The following ORC3 variants were observed in gnomAD, a reference collection of about 807,000 sequenced individuals.
ORC3 encodes the protein origin recognition complex subunit 3.
A neutral mutation model predicts 100.7 loss-of-function variants in ORC3; 78 were observed. That is an observed-to-expected ratio of 0.77 (90% CI 0.65 to 0.94). ORC3 has a LOEUF of 0.94. Ranked by LOEUF, ORC3 falls within the 40% of genes least tolerant of loss-of-function variation. ORC3 has a pLI of 0.00. For missense variants in ORC3, 789 were observed against 823.9 expected (o/e 0.96, Z 0.52); for synonymous variants, 295 against 289.3 (o/e 1.02, Z -0.20).
At chr6:87,660,456 A>G (rs1188730275) in intron 16 of ORC3, among the ~76,000 whole-genome samples, 1 of 152,164 alleles carries the variant, frequency 6.6e-6, no homozygotes, top group Admixed American at 6.5e-5. Context: ...CCATTTCTCT[A>G]CACTGCCCTC....
At chr6:87,675,538 G>A in the ORC3 span, 5 of 1,599,650 alleles carry the variant, frequency 3.1e-6, no homozygotes, top group African/African-American at 6.7e-5. Context: ...GTCATAATTG[G>A]GACCTCTTGC....
chr6:87,633,132 A>T (rs762946996), intron 11 of ORC3, among the ~76,000 whole-genome samples: 6 of 152,222 alleles, frequency 3.9e-5, no homozygotes, highest in Non-Finnish European at 7.3e-5. Flanking sequence ...TTGTACACAT[A>T]GCTATTCCAC....
At chr6:87,676,790 C>A in the ORC3 span, among the ~76,000 whole-genome samples, 4 of 137,912 alleles carry the variant, frequency 2.9e-5, no homozygotes, top group Admixed American at 7.2e-5. Flanking sequence ...AAAAAAAAAA[C>A]AATTGGCCGG....
chr6:87,602,954 A>AATATATATATATATATTATAT (rs1778051388), intron 3 of ORC3, among the ~76,000 whole-genome samples: 5 of 95,300 alleles, frequency 5.2e-5, no homozygotes, highest in African/African-American at 2.1e-4. Context: ...ACACATATAT[A>AATATATATATATATATTATAT]ATATATATAT....
intron 17 of ORC3, 72 bp from the exon 18 acceptor site, chr6:87,664,671 C>T: frequency 8.3e-7 from 1 of 1,207,142 alleles, no homozygotes; most frequent in Non-Finnish European, 1.2e-6. Flanking sequence ...AGGTTGGGGG[C>T]TTCATTAATG....
intron 14 of ORC3, among the ~76,000 whole-genome samples, chr6:87,654,122 G>A (rs1235136151): frequency 6.6e-6 from 1 of 152,178 alleles, no homozygotes; most frequent in Non-Finnish European, 1.5e-5. Flanking sequence ...GACATGACAT[G>A]TTGAAAATAT....
chr6:87,644,718 G>T (rs559277899), intron 13 of ORC3, among the ~76,000 whole-genome samples: 2 of 152,000 alleles, frequency 1.3e-5, no homozygotes, highest in Non-Finnish European at 2.9e-5. Flanking sequence ...GCGTGGTGGC[G>T]TGTGCCTATA....
intron 2 of ORC3, 167 bp downstream of exon 2, chr6:87,594,574 G>A: frequency 7.9e-7 from 1 of 1,269,760 alleles, no homozygotes; most frequent in Non-Finnish European, 9.9e-7. Context: ...GACACCCCAG[G>A]GCTCTAATTG....
At chr6:87,593,467 G>T (rs548513189) in intron 1 of ORC3, among the ~76,000 whole-genome samples, 2 of 152,208 alleles carry the variant, frequency 1.3e-5, no homozygotes, top group South Asian at 4.1e-4. Flanking sequence ...GAGAGATCTC[G>T]AGGAAAGGAG....
At chr6:87,670,101 G>A (rs1468747742), downstream of ORC3, among the ~76,000 whole-genome samples, 1 of 152,106 alleles carries the variant, frequency 6.6e-6, no homozygotes, top group Non-Finnish European at 1.5e-5. Flanking sequence ...CAACATAAAC[G>A]CATGTCATGC....
chr6:87,668,793 G>A (rs1353821925), downstream of ORC3, among the ~76,000 whole-genome samples: 2 of 151,978 alleles, frequency 1.3e-5, no homozygotes, highest in African/African-American at 4.8e-5. Flanking sequence ...GACCAGCCTG[G>A]CCAACCTGGT....
At chr6:87,617,475 G>A (rs773356567) in intron 9 of ORC3, among the ~76,000 whole-genome samples, 9 of 152,006 alleles carry the variant, frequency 5.9e-5, no homozygotes, top group Non-Finnish European at 7.4e-5. Flanking sequence ...TGGCTCATGC[G>A]TATAATCCCA....
intron 11 of ORC3, among the ~76,000 whole-genome samples, chr6:87,623,477 G>A (rs2128266901): frequency 6.6e-6 from 1 of 152,322 alleles, no homozygotes; most frequent in South Asian, 2.1e-4. Flanking sequence ...TCCATTTCCT[G>A]CTAGAACTTT....
intron 14 of ORC3, among the ~76,000 whole-genome samples, chr6:87,656,457 C>T (rs1238587196): frequency 1.3e-5 from 2 of 151,822 alleles, no homozygotes; most frequent in Non-Finnish European, 2.9e-5. Flanking sequence ...GCATGGTGGC[C>T]GGCACCTGTA....
chr6:87,600,410 G>A (rs542160328), intron 2 of ORC3, among the ~76,000 whole-genome samples: 1 of 152,258 alleles, frequency 6.6e-6, no homozygotes, highest in South Asian at 2.1e-4. Flanking sequence ...ATCAGTCTAT[G>A]GATTTGATTT....
intron 14 of ORC3, 101 bp from the exon 15 acceptor site, chr6:87,656,805 A>G (rs1017805122): frequency 1.3e-5 from 9 of 716,174 alleles, no homozygotes; most frequent in Middle Eastern, 2.7e-4. Flanking sequence ...CATTAAAAAA[A>G]TATATATAGG....
At chr6:87,619,434 T>A (rs2128262736) in intron 9 of ORC3, among the ~76,000 whole-genome samples, 1 of 152,294 alleles carries the variant, frequency 6.6e-6, no homozygotes, top group East Asian at 1.9e-4. Flanking sequence ...TGAGATAGGG[T>A]TTCGCTCTGT....
At chr6:87,590,856 G>T (rs566334330) in intron 1 of ORC3, among the ~76,000 whole-genome samples, 1 of 152,270 alleles carries the variant, frequency 6.6e-6, no homozygotes, top group African/African-American at 2.4e-5. Flanking sequence ...GAGTGGGAGC[G>T]TCATGAAAAA....
the ORC3 span, chr6:87,677,809 A>T: frequency 1.2e-6 from 2 of 1,611,032 alleles, no homozygotes; most frequent in African/African-American, 2.7e-5. Flanking sequence ...TAATAAACAC[A>T]CCTCATACCT....
Sources: allele counts gnomAD v4.1 joint callset (sites outside exome capture counted in the v4.1 genomes callset), GRCh38; gene constraint gnomAD v4.1.1; transcripts MANE v1.5; gene names NCBI Gene and HGNC (gene_info 2026-07-23, HGNC 2026-07-21).